Variants in PRIM2 observed in about 807,000 individuals in gnomAD.
PRIM2 encodes the protein DNA primase large subunit.
PRIM2 carries 39 observed loss-of-function variants against 67.3 expected under a neutral mutation model. The observed-to-expected ratio is 0.58, with a 90% CI of 0.45 to 0.76. The LOEUF (loss-of-function observed/expected upper bound fraction) is 0.76. PRIM2 is among the 30% of genes least tolerant of loss of function. PRIM2 has a pLI of 0.00. For missense variants in PRIM2, 398 were observed against 598.7 expected, an observed-to-expected ratio of 0.66 and a Z score of 3.50; for synonymous variants, 143 against 198.7, an observed-to-expected ratio of 0.72 and a Z score of 2.36.
At chr6:57,637,485 C>T (rs1411405407) in intron 13 of PRIM2, among the ~76,000 whole-genome samples, 5 of 151,896 alleles carry the variant, frequency 3.3e-5, no homozygotes, top group Non-Finnish European at 7.4e-5. Context: ...TGTTCTAACC[C>T]AATGCAAGGA....
At chr6:57,482,475 A>G (rs1773651746) in intron 7 of PRIM2, among the ~76,000 whole-genome samples, 1 of 152,226 alleles carries the variant, frequency 6.6e-6, no homozygotes, top group African/African-American at 2.4e-5. Flanking sequence ...AGACTGAGGA[A>G]TATAAGCACA....
chr6:57,264,685 C>T, the PRIM2 span, among the ~76,000 whole-genome samples: 3 of 151,488 alleles, frequency 2.0e-5, no homozygotes, highest in South Asian at 2.1e-4. Context: ...CAACCTCCCC[C>T]TCCTGAGTTC....
At chr6:57,422,705 T>TC (rs1354676822) in intron 7 of PRIM2, among the ~76,000 whole-genome samples, 2 of 149,834 alleles carry the variant, frequency 1.3e-5, no homozygotes, top group Non-Finnish European at 2.9e-5. Context: ...TTGATGGAAT[T>TC]CTTTTTTTTT....
intron 7 of PRIM2, among the ~76,000 whole-genome samples, chr6:57,461,989 A>G (rs1246766756): frequency 1.3e-5 from 2 of 152,198 alleles, no homozygotes; most frequent in Non-Finnish European, 2.9e-5. Context: ...CTGCAACCCA[A>G]GGGTAGTAAC....
rs1180616559 is a variant in PRIM2, at chr6:57,529,002, A to G, written c.762-3409A>G. Among the ~76,000 whole-genome samples the G allele has an allele frequency of 3.9e-5, 6 of 152,216 alleles. No homozygotes were observed. In the East Asian group the frequency reaches 1.2e-3, roughly 29 times the overall value. ...GGTTAAGTGACTTGTCCCAGTTTGC[A>G]GAACTGGTATTTAAAGAACAAAAAC... On this transcript the variant is annotated intron_variant, in intron 8 of 13. Coordinates refer to ENST00000615550, the MANE Select transcript of PRIM2 (RefSeq NM_000947.5).
intron 7 of PRIM2, among the ~76,000 whole-genome samples, chr6:57,453,569 A>G (rs1453007658): frequency 6.6e-6 from 1 of 152,168 alleles, no homozygotes. Flanking sequence ...GAGTTCACTC[A>G]TGATTTGGCT....
chr6:57,292,587 C>T, the PRIM2 span, among the ~76,000 whole-genome samples: 1 of 152,184 alleles, frequency 6.6e-6, no homozygotes, highest in Admixed American at 6.5e-5. Flanking sequence ...TGCTACCTGA[C>T]TTCGAACTAA....
chr6:57,369,181 A>G (rs1482849480), intron 5 of PRIM2, among the ~76,000 whole-genome samples: 2 of 152,154 alleles, frequency 1.3e-5, no homozygotes, highest in Non-Finnish European at 2.9e-5. Context: ...CTACCCTTCT[A>G]TTTACTGTGT....
the PRIM2 span, among the ~76,000 whole-genome samples, chr6:57,236,268 C>T: frequency 1.3e-5 from 2 of 152,080 alleles, no homozygotes; most frequent in Non-Finnish European, 2.9e-5. Context: ...TGTCATTCTT[C>T]CTTCCCTGTA....
intron 10 of PRIM2, among the ~76,000 whole-genome samples, chr6:57,545,787 G>A (rs1227444103): frequency 6.6e-6 from 1 of 152,082 alleles, no homozygotes; most frequent in Admixed American, 6.6e-5. Flanking sequence ...GGAAAAACCA[G>A]ATAAATACAA....
chr6:57,620,679 A>G (rs1227123198), intron 12 of PRIM2, among the ~76,000 whole-genome samples: 1 of 152,218 alleles, frequency 6.6e-6, no homozygotes, highest in East Asian at 1.9e-4. Context: ...ACAAAAAACC[A>G]AAGTATGCAG....
At chr6:57,625,778 T>C (rs1236960693) in intron 12 of PRIM2, among the ~76,000 whole-genome samples, 11 of 152,210 alleles carry the variant, frequency 7.2e-5, no homozygotes, top group Non-Finnish European at 1.6e-4. Context: ...TCTTGACATA[T>C]AATGTTTTAA....
the PRIM2 span, among the ~76,000 whole-genome samples, chr6:57,226,842 C>T: frequency 1.3e-5 from 2 of 152,106 alleles, no homozygotes; most frequent in Admixed American, 6.5e-5. Context: ...AGGAAAAAGA[C>T]GGAATGTAAA....
intron 10 of PRIM2, among the ~76,000 whole-genome samples, chr6:57,587,527 G>A (rs1235990216): frequency 0.017 from 2,659 of 152,048 alleles, 87 homozygotes; most frequent in African/African-American, 0.061. Flanking sequence ...AGCTGGGCGT[G>A]GTGGCGGATG....
the PRIM2 span, among the ~76,000 whole-genome samples, chr6:57,283,259 T>A: frequency 6.6e-6 from 1 of 152,174 alleles, no homozygotes; most frequent in Non-Finnish European, 1.5e-5. Context: ...GGAGTGGCCT[T>A]TCTTCTCTTC....
chr6:57,241,223 C>CAAA, the PRIM2 span, among the ~76,000 whole-genome samples: 3 of 95,910 alleles, frequency 3.1e-5, no homozygotes, highest in East Asian at 2.4e-4. Flanking sequence ...GACTCTGTCT[C>CAAA]AAAAAAAAAA....
At chr6:57,470,796 T>G (rs1272814477) in intron 7 of PRIM2, among the ~76,000 whole-genome samples, 3 of 152,142 alleles carry the variant, frequency 2.0e-5, no homozygotes, top group African/African-American at 7.2e-5. Context: ...ATGGTTCAAA[T>G]AGTGCCTGAA....
intron 5 of PRIM2, among the ~76,000 whole-genome samples, chr6:57,343,963 C>G (rs1159131729): frequency 6.6e-6 from 1 of 151,942 alleles, no homozygotes; most frequent in Non-Finnish European, 1.5e-5. Flanking sequence ...TGAAGGCAGA[C>G]CAGGATCATA....
chr6:57,284,890 T>C, the PRIM2 span, among the ~76,000 whole-genome samples: 1 of 151,768 alleles, frequency 6.6e-6, no homozygotes, highest in African/African-American at 2.4e-5. Context: ...GCCAGACTAA[T>C]AAAGAAGAGA....
Sources: allele counts gnomAD v4.1 joint callset (sites outside exome capture counted in the v4.1 genomes callset), GRCh38; gene constraint gnomAD v4.1.1; transcripts MANE v1.5; gene names NCBI Gene and HGNC (gene_info 2026-07-23, HGNC 2026-07-21).